The following TBC1D8 variants were observed in gnomAD, a reference collection of about 807,000 sequenced individuals.
TBC1D8 encodes TBC1 domain family member 8.
Under a neutral mutation model 118.8 loss-of-function variants are expected in TBC1D8, and 65 were observed. That is an observed-to-expected ratio of 0.55 (90% confidence interval 0.45 to 0.67). TBC1D8 has a LOEUF of 0.67. Among genes scored for constraint, TBC1D8 ranks in the 30% least tolerant of loss-of-function variants. The pLI is 0.00. For synonymous variants in TBC1D8, 566 were observed against 595.8 expected, an observed-to-expected ratio of 0.95 and a Z score of 0.73; for missense variants, 1,376 against 1,471.2, an observed-to-expected ratio of 0.94 and a Z score of 1.06.
Position 101,116,616 on chromosome 2 carries a change from G to A in TBC1D8, c.128-26252C>T, listed in dbSNP as rs538361332. 3.3e-5 allele frequency among the ~76,000 whole-genome samples: 5 copies of A among 151,914 alleles called. No individual in the cohort carries two copies. The East Asian group carries it at 9.7e-4, about 29-fold the overall frequency. On this transcript the variant is annotated intron_variant, in intron 1 of 19. Transcript: ENST00000409318. The stretch of plus-strand genomic sequence containing the variant: ...AACAGGGCCACATTGAAGGTGTGAT[G>A]TCAGTTAATATTAATTAAAAGTAGT...
At position 101,009,971 on chromosome 2, in the gene TBC1D8, G is replaced by A. The variant is rs372380757; in HGVS notation, c.3015+958C>T. Among the ~76,000 whole-genome samples, 117 of 151,860 alleles carry A rather than the reference G, an allele frequency of 7.7e-4. 2 individuals are homozygous for A. The highest frequency in any genetic ancestry group is 2.7e-3 in the African/African-American group (112 of 41,446). ...CGAGTAGCTGGGACTACAGGCGCCCGCCACCACGTCCAGCTAATTTTTTTT... is the reference window on the plus strand; with the variant it reads ...CGAGTAGCTGGGACTACAGGCGCCCACCACCACGTCCAGCTAATTTTTTTT... On this transcript the variant is annotated intron_variant, in intron 19 of 19. Coordinates refer to ENST00000409318, the MANE Select transcript of TBC1D8 (RefSeq NM_001330348.2).
At chr2:101,087,037 G>A (rs1220237616) in intron 2 of TBC1D8, among the ~76,000 whole-genome samples, 1 of 152,088 alleles carries the variant, frequency 6.6e-6, no homozygotes, top group Non-Finnish European at 1.5e-5. Context: ...GCCCGCCTCA[G>A]CCTCCCAAAG....
chr2:101,022,469 C>T lies in TBC1D8; in HGVS notation c.2573G>A (p.Arg858His), dbSNP rs1027687407. ...AGCATAGGGCCGGCTGGGGTCGTGG[C>T]GTGAGGCCATGGGCCTGGGCTGCTC... ...YWEQPRPMAS[R>H]HDPSRPYAEQ... Residue 858 changes from arginine to histidine, a missense_variant, in exon 16 of 20, where the codon CGC becomes CAC. Transcript: ENST00000409318. 22 of 1,608,178 alleles carry T rather than the reference C, an allele frequency of 1.4e-5. No homozygotes were observed. The highest frequency in any genetic ancestry group is 2.7e-5 in the African/African-American group (2 of 74,596).
chr2:101,078,463 G>A (rs1362511843), intron 2 of TBC1D8, among the ~76,000 whole-genome samples: 1 of 152,120 alleles, frequency 6.6e-6, no homozygotes, highest in Non-Finnish European at 1.5e-5. Flanking sequence ...AACTTTATCG[G>A]TTTAGTGAGG....
At chr2:101,117,674 C>T (rs189796621) in intron 1 of TBC1D8, among the ~76,000 whole-genome samples, 189 of 150,612 alleles carry the variant, frequency 1.3e-3, no homozygotes, top group African/African-American at 4.1e-3. Flanking sequence ...CCCGGGTTCA[C>T]GCCATTCTCC....
At chr2:101,091,272 C>T (rs1213826586) in intron 1 of TBC1D8, among the ~76,000 whole-genome samples, 1 of 151,936 alleles carries the variant, frequency 6.6e-6, no homozygotes. Context: ...GCAACAAGAG[C>T]GAAACTCCAT....
chr2:101,053,907 T>C (rs558981163), intron 4 of TBC1D8, among the ~76,000 whole-genome samples: 118 of 152,360 alleles, frequency 7.7e-4, no homozygotes, highest in African/African-American at 2.5e-3. Context: ...AGGATGTTTC[T>C]TGAAGCAGTA....
chr2:101,146,852 A>G (rs1679338753), intron 1 of TBC1D8, among the ~76,000 whole-genome samples: 1 of 152,156 alleles, frequency 6.6e-6, no homozygotes. Context: ...CTGTTGACCA[A>G]CCTCTCCCTA....
chr2:101,118,155 C>T (rs1184807969), intron 1 of TBC1D8, among the ~76,000 whole-genome samples: 1 of 152,104 alleles, frequency 6.6e-6, no homozygotes, highest in African/African-American at 2.4e-5. Context: ...AGCCAGACCG[C>T]CATGTACCCT....
rs762553632 is a variant in TBC1D8 at position 101,040,129 on chromosome 2, T to C, written c.1080+49A>G. The C allele has an allele frequency of 1.0e-5, 16 of 1,587,054 alleles. 1 individual carries two copies. In the South Asian group the frequency reaches 1.7e-4, roughly 17 times the overall value. On this transcript the variant is annotated intron_variant, in intron 6 of 19. Coordinates refer to ENST00000409318, the MANE Select transcript of TBC1D8 (RefSeq NM_001330348.2). ...CATCTCACAGCCAGCAACCTTGTGT[T>C]CAAACAACAAAAGGCTGCTTCGGGA...
At position 101,027,451 on chromosome 2, in the gene TBC1D8, G is replaced by C. The variant is rs746727869; in HGVS notation, c.2452C>G (p.Leu818Val). ...GHEDTTKQNVLRVVIPEVSIL... is the reference protein window; with the variant it reads ...GHEDTTKQNVVRVVIPEVSIL... ...GAGACTTCCGGGATAACGACTCGAA[G>C]CTTGAGGAAAGAATAAACAGCAATG... Residue 818 changes from leucine to valine, a missense_variant and splice_region_variant, in exon 15 of 20, where the codon CTT (leucine) becomes GTT (valine). Transcript: ENST00000409318. The C allele has an allele frequency of 6.2e-7, 1 of 1,612,886 alleles. No homozygotes were observed. Among genetic ancestry groups the C allele is most frequent in the Non-Finnish European group, 8.5e-7 (1 of 1,179,096 alleles).
intron 1 of TBC1D8, among the ~76,000 whole-genome samples, chr2:101,125,285 C>T (rs1244029339): frequency 6.6e-6 from 1 of 152,030 alleles, no homozygotes; most frequent in African/African-American, 2.4e-5. Context: ...TCTAAGAGTA[C>T]ACAAGAAAAA....
intron 5 of TBC1D8, among the ~76,000 whole-genome samples, chr2:101,042,737 C>CA (rs1287467971): frequency 6.7e-6 from 1 of 149,666 alleles, no homozygotes; most frequent in African/African-American, 2.5e-5. Flanking sequence ...TACATGACTA[C>CA]ATATTAGCTT....
At chr2:101,068,015 A>G (rs897390482) in intron 2 of TBC1D8, among the ~76,000 whole-genome samples, 1 of 152,204 alleles carries the variant, frequency 6.6e-6, no homozygotes, top group African/African-American at 2.4e-5. Context: ...ATCAGTAAGA[A>G]GCAACTCCTC....
chr2:101,073,021 C>A (rs1287816191), intron 2 of TBC1D8, among the ~76,000 whole-genome samples: 3 of 152,182 alleles, frequency 2.0e-5, no homozygotes, highest in African/African-American at 7.2e-5. Flanking sequence ...TGCTGTCATG[C>A]AGGCTTTGTT....
chr2:101,109,758 C>A, intron 1 of TBC1D8: 1 of 981,284 alleles, frequency 1.0e-6, no homozygotes, highest in Non-Finnish European at 1.2e-6. Context: ...CCAGAGCCCA[C>A]GTTCTCTTCT....
At chr2:101,039,191 C>T (rs2105398677) in intron 6 of TBC1D8, among the ~76,000 whole-genome samples, 1 of 152,314 alleles carries the variant, frequency 6.6e-6, no homozygotes, top group East Asian at 1.9e-4. Flanking sequence ...CTGAGCCATA[C>T]ACTTAAAATG....
At chr2:101,109,699 T>C in intron 1 of TBC1D8, 1 of 690,120 alleles carries the variant, frequency 1.4e-6, no homozygotes, top group Non-Finnish European at 1.8e-6. Flanking sequence ...ATGAAGCAGC[T>C]GAGGCCCTGA....
In TBC1D8 at chr2:101,096,819, GAC is replaced by G. The variant is rs1491078209; in HGVS notation, c.128-6457_128-6456del. ...GGGGAGAGAGAGAGAGAGAGAGAGAGACAGCACAAGGAATAGAACATCCAGCA... is the reference window on the plus strand; with the variant it reads ...GGGGAGAGAGAGAGAGAGAGAGAGAGAGCACAAGGAATAGAACATCCAGCA... On this transcript the variant is annotated intron_variant, in intron 1 of 19. Coordinates refer to ENST00000409318, the MANE Select transcript of TBC1D8 (RefSeq NM_001330348.2). Among the ~76,000 whole-genome samples the G allele has an allele frequency of 4.2e-4, 63 of 150,600 alleles. 1 individual carries two copies. The East Asian group carries it at 6.5e-3, about 16-fold the overall frequency.
Sources: allele counts gnomAD v4.1 joint callset (sites outside exome capture counted in the v4.1 genomes callset), GRCh38; gene constraint gnomAD v4.1.1; transcripts MANE v1.5; gene names NCBI Gene and HGNC (gene_info 2026-07-23, HGNC 2026-07-21).